Variants in ABHD3 observed in about 807,000 individuals in gnomAD.
The protein encoded by ABHD3 is phospholipase ABHD3.
ABHD3 carries 46 observed loss-of-function variants against 48.8 expected under a neutral mutation model. That is an observed-to-expected ratio of 0.94 (90% CI 0.74 to 1.20). The LOEUF (loss-of-function observed/expected upper bound fraction) is 1.20. ABHD3 is among the 50% of genes most tolerant of loss of function. ABHD3 has a pLI of 0.00. For synonymous variants in ABHD3, 192 were observed against 183.7 expected, an observed-to-expected ratio of 1.04 and a Z score of -0.36; for missense variants, 490 against 497.8, an observed-to-expected ratio of 0.98 and a Z score of 0.15.
intron 3 of ABHD3, among the ~76,000 whole-genome samples, chr18:21,695,840 GCA>G (rs1291926130): frequency 6.6e-6 from 1 of 152,078 alleles, no homozygotes; most frequent in African/African-American, 2.4e-5. Flanking sequence ...TGCTGCTGCT[GCA>G]CAGTCTTTGC....
rs1425906500 is a variant in ABHD3 at position 21,663,948 on chromosome 18, ATTCT to A, written c.668+166_668+169del. 4.8e-5 allele frequency: 69 copies of A among 1,429,776 alleles called. No homozygotes were observed. The African/African-American group carries it at 8.9e-4, about 18-fold the overall frequency. The allele number at this position is 1,429,776 out of a possible 1,614,324, so 88.6% of individuals were successfully genotyped here. A position where few individuals can be genotyped will look rare whatever the true frequency, so the allele number is the denominator to read the frequency against. On this transcript the variant is annotated intron_variant, in intron 5 of 8. Coordinates refer to ENST00000289119, the MANE Select transcript of ABHD3 (RefSeq NM_138340.5). Reference sequence around the variant, plus strand: ...AAAATATTAAAATTCACCTGAATTAATTCTTTCCTTCCTTCGTTCATTCAATCAA... The same window carrying A: ...AAAATATTAAAATTCACCTGAATTAATTCCTTCCTTCGTTCATTCAATCAA...
chr18:21,656,569 A>G (rs1351375887), intron 8 of ABHD3, among the ~76,000 whole-genome samples: 1 of 152,182 alleles, frequency 6.6e-6, no homozygotes, highest in Non-Finnish European at 1.5e-5. Context: ...AGGCAAAAGG[A>G]CTGTAACATA....
chr18:21,691,620 G>A (rs1473513324), intron 3 of ABHD3, among the ~76,000 whole-genome samples: 2 of 152,134 alleles, frequency 1.3e-5, no homozygotes, highest in Non-Finnish European at 2.9e-5. Flanking sequence ...TATGGTAATG[G>A]AGAACACTGA....
intron 5 of ABHD3, chr18:21,661,664 A>G (rs2039501443): frequency 6.6e-6 from 1 of 152,190 alleles, no homozygotes; most frequent in Non-Finnish European, 1.5e-5. Flanking sequence ...AACCCACAAA[A>G]CATAAACTCC....
intron 8 of ABHD3, among the ~76,000 whole-genome samples, chr18:21,655,382 GTTCAAGCAATT>G (rs1287090790): frequency 6.6e-6 from 1 of 151,312 alleles, no homozygotes; most frequent in Non-Finnish European, 1.5e-5. Flanking sequence ...CCGCCTCCTG[GTTCAAGCAATT>G]CTCCTGCCTC....
chr18:21,680,544 T>C (rs1176426418), intron 4 of ABHD3, among the ~76,000 whole-genome samples: 1 of 152,186 alleles, frequency 6.6e-6, no homozygotes, highest in Non-Finnish European at 1.5e-5. Context: ...AACAGCTTAG[T>C]GTGTTATTAG....
intron 5 of ABHD3, among the ~76,000 whole-genome samples, chr18:21,660,678 G>A (rs1037784099): frequency 6.6e-6 from 1 of 151,954 alleles, no homozygotes; most frequent in African/African-American, 2.4e-5. Context: ...CTTTTTTCCA[G>A]TTCAAATGAC....
Position 21,654,605 on chromosome 18 carries a change from T to G in ABHD3, c.1057+2256A>C, listed in dbSNP as rs1386308011. 9.2e-5 allele frequency among the ~76,000 whole-genome samples: 14 copies of G among 152,354 alleles called. No homozygotes were observed. In the South Asian group the frequency reaches 2.9e-3, roughly 32 times the overall value. On this transcript the variant is annotated intron_variant, in intron 8 of 8. Transcript: ENST00000289119. ...TTAAGGGGGAATGGCTGATACTATT[T>G]TTGCTTTTCCTTTTTCACCAAACAT...
chr18:21,659,362 G>A lies in ABHD3; in HGVS notation c.669-19C>T, dbSNP rs1459615200. The A allele has an allele frequency of 2.0e-5, 32 of 1,596,178 alleles. No individual in the cohort carries two copies. The highest frequency in any genetic ancestry group is 2.7e-5 in the Non-Finnish European group (32 of 1,173,038). Reference sequence around the variant, plus strand: ...CAGCATTCTAAAATGGGGAGAAACAGGAAACTCAGTGATTAATTTGTTGTA... The same window carrying A: ...CAGCATTCTAAAATGGGGAGAAACAAGAAACTCAGTGATTAATTTGTTGTA... On this transcript the variant is annotated intron_variant, in intron 5 of 8. Transcript: ENST00000289119.
chr18:21,702,519 G>T, intron 2 of ABHD3, 21 bp from the exon 3 acceptor site: 2 of 1,528,218 alleles, frequency 1.3e-6, no homozygotes, highest in East Asian at 2.3e-5. Flanking sequence ...TAATTCAGAA[G>T]ACATTACTAT....
At chr18:21,690,559 G>A (rs1174988665) in intron 3 of ABHD3, among the ~76,000 whole-genome samples, 1 of 152,144 alleles carries the variant, frequency 6.6e-6, no homozygotes, top group Non-Finnish European at 1.5e-5. Context: ...TCGAGATCAT[G>A]CCACTGCACT....
At chr18:21,669,943 G>A (rs1421009553) in intron 4 of ABHD3, among the ~76,000 whole-genome samples, 2 of 152,170 alleles carry the variant, frequency 1.3e-5, no homozygotes, top group South Asian at 4.2e-4. Flanking sequence ...AAGCACCCGC[G>A]GGAGAGTGGC....
intron 4 of ABHD3, among the ~76,000 whole-genome samples, chr18:21,672,734 GATTTT>G (rs980690310): frequency 1.3e-5 from 2 of 152,128 alleles, no homozygotes; most frequent in Non-Finnish European, 2.9e-5. Context: ...TAGGAAAATT[GATTTT>G]ATTTTTGGAA....
At chr18:21,693,577 G>A (rs1407650187) in intron 3 of ABHD3, among the ~76,000 whole-genome samples, 1 of 152,204 alleles carries the variant, frequency 6.6e-6, no homozygotes, top group African/African-American at 2.4e-5. Context: ...TAATTGAGGT[G>A]CCATGTTGCA....
chr18:21,675,068 C>T (rs914762372), intron 4 of ABHD3, among the ~76,000 whole-genome samples: 14 of 151,942 alleles, frequency 9.2e-5, no homozygotes, highest in African/African-American at 3.1e-4. Flanking sequence ...GTTGGAGGGA[C>T]GATCCTCTCT....
chr18:21,659,278 A>G lies in ABHD3; in HGVS notation c.734T>C (p.Phe245Ser). The change falls in exon 6 of 9, where the codon TTT becomes TCT. Residue 245 changes from phenylalanine (F) to serine (S), a missense_variant. Physicochemically the swap from Phe to Ser is radical, Grantham distance 155 (BLOSUM62 -2). Transcript: ENST00000289119. ...AGCGAAGGTGTTCCAACCAACGGAA[A>G]AAGTTGCAGCTGCCATCAAAGGCGT... is the stretch of plus-strand genomic sequence containing the variant. ...SKTPLMAAATFSVGWNTFACS... is the reference protein window; with the variant it reads ...SKTPLMAAATSSVGWNTFACS... The G allele has an allele frequency of 6.2e-7, 1 of 1,613,908 alleles. No individual in the cohort carries two copies.
At chr18:21,677,590 T>C (rs1429692392) in intron 4 of ABHD3, among the ~76,000 whole-genome samples, 1 of 152,198 alleles carries the variant, frequency 6.6e-6, no homozygotes, top group African/African-American at 2.4e-5. Flanking sequence ...TTGATGAATA[T>C]CTGGGTTGTT....
chr18:21,683,446 T>TG (rs919227540), intron 4 of ABHD3: 1 of 402,694 alleles, frequency 2.5e-6, no homozygotes, highest in African/African-American at 2.2e-5. Flanking sequence ...ATTTCATAAG[T>TG]GGAAAAAAAA....
intron 5 of ABHD3, 196 bp downstream of exon 5, chr18:21,663,922 A>C: frequency 7.0e-7 from 1 of 1,429,782 alleles, no homozygotes; most frequent in Middle Eastern, 2.4e-4. Flanking sequence ...CGTAGTTAAG[A>C]AAAATATTAA....
Sources: allele counts gnomAD v4.1 joint callset (sites outside exome capture counted in the v4.1 genomes callset), GRCh38; gene constraint gnomAD v4.1.1; transcripts MANE v1.5; gene names NCBI Gene and HGNC (gene_info 2026-07-23, HGNC 2026-07-21).